Variants in ANOS1 observed in about 807,000 individuals in gnomAD.
ANOS1 encodes anosmin-1.
ANOS1 carries 6 observed loss-of-function variants against 59.0 expected under a neutral mutation model. That is an observed-to-expected ratio of 0.10 (90% CI 0.06 to 0.20). ANOS1 has a LOEUF of 0.20. Among genes scored for constraint, ANOS1 ranks in the 10% least tolerant of loss-of-function variants. The probability of loss-of-function intolerance (pLI) is 1.00; values close to 1 mark genes in which losing one functional copy is unlikely to be tolerated. For missense variants in ANOS1, 433 were observed against 542.3 expected (o/e 0.80, Z 2.00); for synonymous variants, 217 against 223.4 (o/e 0.97, Z 0.25).
chrX:8,666,752 A>G (rs1220996006), intron 2 of ANOS1, among the ~76,000 whole-genome samples: 1 of 112,163 alleles, frequency 8.9e-6, no homozygotes, highest in Non-Finnish European at 1.9e-5. Flanking sequence ...GCGTCCATCC[A>G]AAATGTGGAC....
chrX:8,568,354 T>A lies in ANOS1; in HGVS notation c.1085A>T (p.Glu362Val), dbSNP rs772156018. The A allele has an allele frequency of 2.5e-6, 3 of 1,210,483 alleles. No homozygotes were observed. Among genetic ancestry groups the A allele is most frequent in the Non-Finnish European group, 3.4e-6 (3 of 894,462 alleles). ...ATAGTCACAGTCTGGCTGGAGTTTC[T>A]CCAGGATCACAGAATTTTGAAACTA... ...TDGFQNSVIL[E>V]KLQPDCDYVV... The change falls in exon 8 of 14, where the codon GAG (glutamate) becomes GTG (valine). Residue 362 changes from glutamate (E) to valine (V), a missense_variant. Physicochemically the swap from Glu to Val is moderately radical, Grantham distance 121. Coordinates refer to ENST00000262648, the MANE Select transcript of ANOS1 (RefSeq NM_000216.4).
chrX:8,537,620 C>A (rs1406114048), intron 10 of ANOS1, among the ~76,000 whole-genome samples: 1 of 110,728 alleles, frequency 9.0e-6, no homozygotes, highest in Non-Finnish European at 1.9e-5. Flanking sequence ...TATAAAAGTG[C>A]AGATGGATAG....
chrX:8,572,177 C>A (rs761023752), intron 6 of ANOS1, among the ~76,000 whole-genome samples: 2 of 109,840 alleles, frequency 1.8e-5, no homozygotes, highest in Admixed American at 9.7e-5. Context: ...CATGTGCAGG[C>A]TTGTTACAGA....
At chrX:8,569,516 C>A (rs1930186725) in intron 7 of ANOS1, among the ~76,000 whole-genome samples, 1 of 111,413 alleles carries the variant, frequency 9.0e-6, no homozygotes, top group Non-Finnish European at 1.9e-5. Context: ...GTGGCGGGCG[C>A]CTGTAGTCCC....
At position 8,626,340 on chromosome X, in the gene ANOS1, TA is replaced by T. The variant is rs199721294; in HGVS notation, c.256-2671del. Among the ~76,000 whole-genome samples, 11 of 109,945 alleles carry T rather than the reference TA, an allele frequency of 1.0e-4. No homozygotes were observed. The South Asian group carries it at 1.6e-3, about 16-fold the overall frequency. On this transcript the variant is annotated intron_variant, in intron 2 of 13. Transcript: ENST00000262648. The stretch of plus-strand genomic sequence containing the variant: ...TGCCATTAAGAACATATATTTCTCA[TA>T]AAAAAATTTTTAGATGTCATAGTAA...
intron 4 of ANOS1, among the ~76,000 whole-genome samples, chrX:8,592,652 GGAAATA>G (rs1440008589): frequency 9.0e-6 from 1 of 111,057 alleles, no homozygotes; most frequent in African/African-American, 3.3e-5. Context: ...GACTTAGAGA[GGAAATA>G]GAAATAGAAA....
intron 9 of ANOS1, among the ~76,000 whole-genome samples, chrX:8,546,466 T>C (rs1386175873): frequency 1.8e-5 from 2 of 112,185 alleles, no homozygotes; most frequent in African/African-American, 6.5e-5. Flanking sequence ...AAGGACTTTT[T>C]GGAAAATACG....
intron 2 of ANOS1, among the ~76,000 whole-genome samples, chrX:8,675,741 G>A (rs186072958): frequency 1.3e-3 from 136 of 107,967 alleles, no homozygotes; most frequent in African/African-American, 4.2e-3. Flanking sequence ...TGTGCAGGAT[G>A]TGCAGGTTTG....
At chrX:8,603,274 A>G (rs1490697784) in intron 3 of ANOS1, among the ~76,000 whole-genome samples, 1 of 112,084 alleles carries the variant, frequency 8.9e-6, no homozygotes, top group Non-Finnish European at 1.9e-5. Context: ...TTTGAGGTGC[A>G]TTGGATTAAG....
intron 3 of ANOS1, among the ~76,000 whole-genome samples, chrX:8,598,723 A>G (rs954098075): frequency 8.9e-6 from 1 of 112,391 alleles, no homozygotes; most frequent in Admixed American, 9.4e-5. Flanking sequence ...ATTCCATTAA[A>G]GACACATGAA....
chrX:8,718,030 C>G, intron 1 of ANOS1, among the ~76,000 whole-genome samples: 1 of 109,309 alleles, frequency 9.1e-6, no homozygotes, highest in Non-Finnish European at 1.9e-5. Flanking sequence ...CCACTGCACT[C>G]CAGCCTGGGT....
At chrX:8,604,533 C>T (rs1277397909) in intron 3 of ANOS1, among the ~76,000 whole-genome samples, 1 of 111,940 alleles carries the variant, frequency 8.9e-6, no homozygotes, top group African/African-American at 3.2e-5. Flanking sequence ...TTTTTTTATT[C>T]CTTTTCTTTA....
chrX:8,584,694 A>C (rs1202528944), intron 6 of ANOS1, among the ~76,000 whole-genome samples: 2 of 111,967 alleles, frequency 1.8e-5, no homozygotes, highest in African/African-American at 6.5e-5. Flanking sequence ...TAGCTGGTCA[A>C]ATTATGTCCT....
chrX:8,679,706 C>T (rs1932391079), intron 2 of ANOS1, among the ~76,000 whole-genome samples: 2 of 110,552 alleles, frequency 1.8e-5, no homozygotes, highest in African/African-American at 6.6e-5. Context: ...GAAAAAGTTC[C>T]GGAGATCTGT....
intron 3 of ANOS1, among the ~76,000 whole-genome samples, chrX:8,612,848 A>G (rs1000322969): frequency 9.6e-6 from 1 of 103,807 alleles, no homozygotes; most frequent in African/African-American, 3.5e-5. Context: ...TCTACTAAAA[A>G]ATGGAAATAA....
At chrX:8,561,636 A>C (rs1271544344) in intron 8 of ANOS1, among the ~76,000 whole-genome samples, 1 of 108,841 alleles carries the variant, frequency 9.2e-6, no homozygotes, top group Admixed American at 9.9e-5. Context: ...TTTAAGAGAC[A>C]CAGTCTCACT....
chrX:8,649,914 T>C (rs1456345365), intron 2 of ANOS1, among the ~76,000 whole-genome samples: 1 of 112,588 alleles, frequency 8.9e-6, no homozygotes, highest in Non-Finnish European at 1.9e-5. Flanking sequence ...ACCCAGGAAA[T>C]GTGTTCACAT....
intron 7 of ANOS1, 101 bp downstream of exon 7, chrX:8,570,398 A>G: frequency 1.5e-6 from 1 of 684,214 alleles, no homozygotes. Flanking sequence ...TCCTGCATCC[A>G]TGGCATCTCT....
At chrX:8,702,405 A>C (rs1932761582) in intron 1 of ANOS1, among the ~76,000 whole-genome samples, 1 of 111,686 alleles carries the variant, frequency 9.0e-6, no homozygotes, top group African/African-American at 3.3e-5. Context: ...AAAAGTTCAG[A>C]GGGGCCAGGC....
Sources: allele counts gnomAD v4.1 joint callset (sites outside exome capture counted in the v4.1 genomes callset), GRCh38; gene constraint gnomAD v4.1.1; transcripts MANE v1.5; gene names NCBI Gene and HGNC (gene_info 2026-07-23, HGNC 2026-07-21).